Variants in XRCC6 observed in about 807,000 individuals in gnomAD.
The protein encoded by XRCC6 is DNA repair protein Ku70.
Under a neutral mutation model 65.7 loss-of-function variants are expected in XRCC6, and 5 were observed. The observed-to-expected ratio is 0.08, with a 90% CI of 0.04 to 0.16. The LOEUF is 0.16. Ranked by LOEUF, XRCC6 falls within the 10% of genes least tolerant of loss-of-function variation. The pLI, the probability that XRCC6 is intolerant of heterozygous loss-of-function variation, is 1.00. For missense variants in XRCC6, 447 were observed against 738.1 expected (o/e 0.61, Z 4.57); for synonymous variants, 270 against 270.6 (o/e 1.00, Z 0.02).
intron 7 of XRCC6, among the ~76,000 whole-genome samples, chr22:41,649,482 G>A (rs1475253587): frequency 6.6e-6 from 1 of 151,882 alleles, no homozygotes; most frequent in Non-Finnish European, 1.5e-5. Context: ...TGCCTTGGAA[G>A]TAGTACTTAT....
intron 11 of XRCC6, among the ~76,000 whole-genome samples, chr22:41,659,492 C>T (rs538933955): frequency 4.1e-4 from 63 of 151,936 alleles, no homozygotes; most frequent in African/African-American, 1.4e-3. Context: ...AAGCAGGAGG[C>T]GCTGCGCACG....
intron 6 of XRCC6, among the ~76,000 whole-genome samples, chr22:41,640,941 G>A (rs997031719): frequency 1.7e-4 from 26 of 152,176 alleles, no homozygotes; most frequent in Non-Finnish European, 2.5e-4. Context: ...TAAAATGGGA[G>A]CAAAAAATGG....
intron 7 of XRCC6, among the ~76,000 whole-genome samples, chr22:41,649,423 G>T (rs1291514013): frequency 1.3e-5 from 2 of 150,734 alleles, no homozygotes; most frequent in Non-Finnish European, 2.9e-5. Context: ...CGATCCAGCT[G>T]CCTTGGCCTC....
chr22:41,635,378 TATA>T (rs922435653), intron 3 of XRCC6, among the ~76,000 whole-genome samples: 36 of 152,316 alleles, frequency 2.4e-4, no homozygotes, highest in African/African-American at 8.7e-4. Flanking sequence ...CAACTGTGTA[TATA>T]AACTCTGTTT....
chr22:41,649,160 A>ATATATGTATG (rs1376197191), intron 7 of XRCC6, among the ~76,000 whole-genome samples: 16 of 125,846 alleles, frequency 1.3e-4, no homozygotes, highest in African/African-American at 5.1e-4. Context: ...ATATATATAT[A>ATATATGTATG]TATGTATGTA....
intron 6 of XRCC6, among the ~76,000 whole-genome samples, chr22:41,639,342 T>TTTTTC (rs2067848692): frequency 1.6e-5 from 2 of 123,986 alleles, no homozygotes; most frequent in Non-Finnish European, 3.5e-5. Context: ...TTTTTTTTTT[T>TTTTTC]TTTTTTTTTT....
chr22:41,663,931 G>A lies in XRCC6; in HGVS notation c.*116G>A, dbSNP rs974174228. On this transcript the variant is annotated 3_prime_UTR_variant, in exon 13 of 13. Coordinates refer to ENST00000360079, the MANE Select transcript of XRCC6 (RefSeq NM_001469.5). Reference sequence around the variant, plus strand: ...AGGAAGAGTCTACCCGACATAAGTCGAGGGACTTTATGTTTTTGAGGCTTT... The same window carrying A: ...AGGAAGAGTCTACCCGACATAAGTCAAGGGACTTTATGTTTTTGAGGCTTT... 11 of 1,149,396 alleles carry A rather than the reference G, an allele frequency of 9.6e-6. No homozygotes were observed. The Admixed American group carries it at 1.7e-4, about 17-fold the overall frequency. 71.2% of individuals were successfully genotyped at this position (1,149,396 alleles called of 1,614,324 possible). A position where few individuals can be genotyped will look rare whatever the true frequency, so the allele number is the denominator to read the frequency against.
At position 41,638,893 on chromosome 22, in the gene XRCC6, T is replaced by C. The variant is rs547520134; in HGVS notation, c.773+1102T>C. Among the ~76,000 whole-genome samples, 16 of 150,600 alleles carry C rather than the reference T, an allele frequency of 1.1e-4. No individual in the cohort carries two copies. The East Asian group carries it at 3.1e-3, about 29-fold the overall frequency. On this transcript the variant is annotated intron_variant, in intron 6 of 12. Coordinates refer to ENST00000360079, the MANE Select transcript of XRCC6 (RefSeq NM_001469.5). The stretch of plus-strand genomic sequence containing the variant: ...GAAGTGGCTCTGAGTGAGTAGTGAG[T>C]GAAAGTGAAGGCCTAGGACATGACT...
At chr22:41,649,139 A>ATATATATATATATATATAT (rs1555906701) in intron 7 of XRCC6, among the ~76,000 whole-genome samples, 24 of 88,710 alleles carry the variant, frequency 2.7e-4, no homozygotes, top group Non-Finnish European at 4.8e-4. Flanking sequence ...AAAAAAAAAA[A>ATATATATATATATATATAT]ATATATATAT....
intron 2 of XRCC6, among the ~76,000 whole-genome samples, chr22:41,622,718 A>C (rs1569076000): frequency 6.6e-6 from 1 of 152,146 alleles, no homozygotes; most frequent in Admixed American, 6.6e-5. Flanking sequence ...AGGCGGGCGG[A>C]TCACGATGTC....
At chr22:41,641,125 G>A (rs1418538508) in intron 6 of XRCC6, among the ~76,000 whole-genome samples, 2 of 152,102 alleles carry the variant, frequency 1.3e-5, no homozygotes, top group African/African-American at 2.4e-5. Context: ...ATTGCCGTGA[G>A]CATTAAATGA....
intron 9 of XRCC6, among the ~76,000 whole-genome samples, chr22:41,656,312 G>C (rs933796517): frequency 1.3e-5 from 2 of 151,780 alleles, no homozygotes; most frequent in African/African-American, 4.8e-5. Flanking sequence ...CCTGAGGTCA[G>C]GAGTTTGAGA....
In XRCC6 at chr22:41,656,893, C is replaced by T. The variant is rs934567509; in HGVS notation, c.1292-10C>T. On this transcript the variant is annotated splice_polypyrimidine_tract_variant and intron_variant, in intron 9 of 12. Coordinates refer to ENST00000360079, the MANE Select transcript of XRCC6 (RefSeq NM_001469.5). The stretch of plus-strand genomic sequence containing the variant: ...AGTCAAATCAAAGAAAATTTATCTC[C>T]TTTCTTCAGGCTTCCAGCTGGTCTT... 3 of 1,612,370 alleles carry T rather than the reference C, an allele frequency of 1.9e-6. No homozygotes were observed. Among genetic ancestry groups the T allele is most frequent in the East Asian group, 2.2e-5 (1 of 44,850 alleles).
intron 12 of XRCC6, among the ~76,000 whole-genome samples, chr22:41,662,939 G>T (rs1052501487): frequency 1.3e-5 from 2 of 152,062 alleles, no homozygotes; most frequent in Non-Finnish European, 2.9e-5. Context: ...AAATTAGCCA[G>T]ATGTGGTAGT....
Position 41,632,170 on chromosome 22 carries a change from TAGGGAG to T in XRCC6, c.196-3925_196-3920del, listed in dbSNP as rs899013950. On this transcript the variant is annotated intron_variant, in intron 3 of 12. Transcript: ENST00000360079. ...GAGAGGGAGACCGTGGGGAGAGGGA[TAGGGAG>T]AGGGAGAGGGAGAGGGATTACTGTT... Among the ~76,000 whole-genome samples the T allele has an allele frequency of 1.9e-3, 284 of 146,144 alleles. 1 individual carries two copies. The highest frequency in any genetic ancestry group is 4.6e-3 in the African/African-American group (173 of 37,562).
chr22:41,646,832 AG>A, intron 6 of XRCC6, 63 bp from the exon 7 acceptor site: 1 of 1,364,970 alleles, frequency 7.3e-7, no homozygotes, highest in East Asian at 2.3e-5. Flanking sequence ...TGGTGTTATG[AG>A]GGAATTTTAG....
At chr22:41,655,001 G>A (rs1259781191) in intron 9 of XRCC6, among the ~76,000 whole-genome samples, 1 of 152,198 alleles carries the variant, frequency 6.6e-6, no homozygotes, top group African/African-American at 2.4e-5. Context: ...GGAATCATCT[G>A]TTTGTTCAGC....
intron 11 of XRCC6, among the ~76,000 whole-genome samples, chr22:41,660,777 CCTCT>C (rs2068092357): frequency 6.6e-6 from 1 of 152,098 alleles, no homozygotes; most frequent in Admixed American, 6.6e-5. Flanking sequence ...TTATCCACCT[CCTCT>C]CTCTCACTGG....
chr22:41,635,170 T>C (rs1229356834), intron 3 of XRCC6, among the ~76,000 whole-genome samples: 3 of 152,188 alleles, frequency 2.0e-5, no homozygotes. Flanking sequence ...CCCCTATACT[T>C]TAAGTCATCT....
Sources: gnomAD v4.1 joint callset for allele counts (sites outside exome capture counted in the v4.1 genomes callset) on GRCh38, gnomAD v4.1.1 for gene constraint, MANE v1.5 for transcripts, NCBI Gene and HGNC (gene_info 2026-07-23, HGNC 2026-07-21) for gene names.